Variants in SORCS2 observed in about 807,000 individuals in gnomAD.
SORCS2 encodes VPS10 domain-containing receptor SorCS2.
SORCS2 carries 100 observed loss-of-function variants against 141.6 expected under a neutral mutation model. That is an observed-to-expected ratio of 0.71 (90% CI 0.60 to 0.83). The LOEUF (loss-of-function observed/expected upper bound fraction) is 0.83, where lower values mean the gene tolerates loss of function less well. Among genes scored for constraint, SORCS2 ranks in the 40% least tolerant of loss-of-function variants. The probability of loss-of-function intolerance (pLI) is 0.00; values close to 1 mark genes in which losing one functional copy is unlikely to be tolerated. For synonymous variants in SORCS2, 789 were observed against 676.9 expected (o/e 1.17, Z -2.57); for missense variants, 1,646 against 1,560.2 (o/e 1.05, Z -0.93).
At chr4:7,470,453 G>T (rs949944261) in intron 2 of SORCS2, among the ~76,000 whole-genome samples, 1 of 152,150 alleles carries the variant, frequency 6.6e-6, no homozygotes, top group African/African-American at 2.4e-5. Flanking sequence ...ATTCATCCAG[G>T]TGGGATAGGG....
chr4:7,490,692 A>G (rs896453099), intron 2 of SORCS2, among the ~76,000 whole-genome samples: 6 of 152,254 alleles, frequency 3.9e-5, no homozygotes, highest in African/African-American at 1.4e-4. Flanking sequence ...AGGGGTATCC[A>G]GTGAAATGGG....
chr4:7,320,122 G>A lies in SORCS2; in HGVS notation c.481-76166G>A, dbSNP rs1718806258. Reference sequence around the variant, plus strand: ...GTTCAACACCAGCCTGGGCAAAATAGCAAGACTTTGTCTCTACAAAAAAAA... The same window carrying A: ...GTTCAACACCAGCCTGGGCAAAATAACAAGACTTTGTCTCTACAAAAAAAA... On this transcript the variant is annotated intron_variant, in intron 1 of 26. Transcript: ENST00000507866. Among the ~76,000 whole-genome samples, 12 of 148,952 alleles carry A rather than the reference G, an allele frequency of 8.1e-5. No individual in the cohort carries two copies. The Admixed American group carries it at 8.1e-4, about 10-fold the overall frequency.
intron 3 of SORCS2, among the ~76,000 whole-genome samples, chr4:7,543,755 TCCAC>T (rs1477628666): frequency 0.1 from 5,950 of 59,230 alleles, 889 homozygotes; most frequent in African/African-American, 0.12. Context: ...CATCCACCCA[TCCAC>T]CCACCCATCC....
chr4:7,469,138 G>A (rs1470851271), intron 2 of SORCS2, among the ~76,000 whole-genome samples: 1 of 151,470 alleles, frequency 6.6e-6, no homozygotes, highest in African/African-American at 2.4e-5. Context: ...AGTGGTCATG[G>A]TGGTGATGAT....
At chr4:7,251,042 CAG>C (rs1310390259) in intron 1 of SORCS2, among the ~76,000 whole-genome samples, 1 of 152,244 alleles carries the variant, frequency 6.6e-6, no homozygotes. Flanking sequence ...TGGGCTAAGA[CAG>C]AGCTCTGTGG....
At chr4:7,665,471 C>A (rs1373857852) in intron 7 of SORCS2, among the ~76,000 whole-genome samples, 1 of 152,172 alleles carries the variant, frequency 6.6e-6, no homozygotes, top group African/African-American at 2.4e-5. Flanking sequence ...CTGTGCTGTG[C>A]CTCGCTTCTC....
At position 7,286,163 on chromosome 4, in the gene SORCS2, C is replaced by T. The variant is rs1418477942; in HGVS notation, c.480+93037C>T. Among the ~76,000 whole-genome samples, 1 of 152,232 alleles carries T rather than the reference C, an allele frequency of 6.6e-6. No homozygotes were observed. The highest frequency in any genetic ancestry group is 1.5e-5 in the Non-Finnish European group (1 of 68,046). On this transcript the variant is annotated intron_variant, in intron 1 of 26. Transcript: ENST00000507866. This position sits in a 1 kb window ranked among gnomAD's most constrained non-coding sequence, Gnocchi z 4.1. ...CTGGTAAACAGTCTCCTAGAGTCTC[C>T]AGCTGGGTCTCCAGGCCTGTGCCGG...
chr4:7,630,255 A>T (rs1719800365), intron 3 of SORCS2, among the ~76,000 whole-genome samples: 1 of 152,144 alleles, frequency 6.6e-6, no homozygotes, highest in Non-Finnish European at 1.5e-5. Flanking sequence ...GGAGTGAGTG[A>T]AAAAAGCTTG....
At chr4:7,642,185 G>T (rs528781733) in intron 4 of SORCS2, among the ~76,000 whole-genome samples, 10 of 152,236 alleles carry the variant, frequency 6.6e-5, no homozygotes, top group Admixed American at 3.9e-4. Flanking sequence ...CCTTGCCAAG[G>T]TTGGGTCCTC....
At chr4:7,489,435 C>G (rs1288010159) in intron 2 of SORCS2, among the ~76,000 whole-genome samples, 1 of 151,652 alleles carries the variant, frequency 6.6e-6, no homozygotes, top group African/African-American at 2.4e-5. Context: ...TTGCTGGTGT[C>G]TAGGAAGCAT....
chr4:7,236,575 TTTTATTA>T (rs1712286748), intron 1 of SORCS2, among the ~76,000 whole-genome samples: 1 of 152,034 alleles, frequency 6.6e-6, no homozygotes, highest in East Asian at 1.9e-4. Flanking sequence ...CTTACCATGG[TTTTATTA>T]TTTATTAATT....
chr4:7,293,910 C>T (rs573842361), intron 1 of SORCS2, among the ~76,000 whole-genome samples: 5 of 152,328 alleles, frequency 3.3e-5, no homozygotes, highest in Admixed American at 1.3e-4. Flanking sequence ...TCCAGCAGGG[C>T]GCATTTGGAT....
chr4:7,258,393 G>T (rs529908979), intron 1 of SORCS2, among the ~76,000 whole-genome samples: 2 of 152,136 alleles, frequency 1.3e-5, no homozygotes, highest in African/African-American at 4.8e-5. Context: ...GAGAACATGC[G>T]GTGTTTGGTT....
At chr4:7,702,611 T>C (rs755671160) in intron 12 of SORCS2, among the ~76,000 whole-genome samples, 3 of 152,244 alleles carry the variant, frequency 2.0e-5, no homozygotes, top group Non-Finnish European at 4.4e-5. Flanking sequence ...CTGTCCAGGC[T>C]ACTCAGCCTT....
At chr4:7,679,016 T>C (rs1309101847) in intron 9 of SORCS2, among the ~76,000 whole-genome samples, 1 of 152,216 alleles carries the variant, frequency 6.6e-6, no homozygotes, top group Non-Finnish European at 1.5e-5. Context: ...TTCCCAGCAC[T>C]TGCCCTTTCT....
At chr4:7,693,463 T>G (rs12649366) in intron 11 of SORCS2, among the ~76,000 whole-genome samples, 68,274 of 151,990 alleles carry the variant, frequency 0.45, 15,609 homozygotes, top group East Asian at 0.63. Context: ...GTGCAGAGTG[T>G]GTGCCAACCC....
chr4:7,639,355 C>A (rs1279259297), intron 4 of SORCS2, among the ~76,000 whole-genome samples: 1 of 152,220 alleles, frequency 6.6e-6, no homozygotes, highest in Non-Finnish European at 1.5e-5. Flanking sequence ...GTGGCCACAT[C>A]TCTGCACCTT....
At chr4:7,351,325 C>T (rs13110208) in intron 1 of SORCS2, among the ~76,000 whole-genome samples, 63,036 of 152,076 alleles carry the variant, frequency 0.41, 14,894 homozygotes, top group Non-Finnish European at 0.54. Flanking sequence ...GTGTTCATCA[C>T]GACCCCTGCC....
intron 1 of SORCS2, among the ~76,000 whole-genome samples, chr4:7,325,006 G>A (rs1264421499): frequency 1.3e-5 from 2 of 152,208 alleles, no homozygotes; most frequent in Non-Finnish European, 2.9e-5. Context: ...TGAGATGGGA[G>A]GGCAGAAGGC....
Sources: allele counts gnomAD v4.1 joint callset (sites outside exome capture counted in the v4.1 genomes callset), GRCh38; gene constraint gnomAD v4.1.1; non-coding constraint Gnocchi (gnomAD v3.1); transcripts MANE v1.5; gene names NCBI Gene and HGNC (gene_info 2026-07-23, HGNC 2026-07-21).